Variants in GNAQ observed in about 807,000 individuals in gnomAD.
The protein encoded by GNAQ is G protein subunit alpha q.
Under a neutral mutation model 43.9 loss-of-function variants are expected in GNAQ, and 8 were observed. The observed-to-expected ratio is 0.18, with a 90% confidence interval of 0.11 to 0.33. The LOEUF (loss-of-function observed/expected upper bound fraction) is 0.33. Ranked by LOEUF, GNAQ falls within the 10% of genes least tolerant of loss-of-function variation. GNAQ has a pLI of 1.00. For missense variants in GNAQ, 158 were observed against 450.8 expected, an observed-to-expected ratio of 0.35 and a Z score of 5.88; for synonymous variants, 155 against 170.7, an observed-to-expected ratio of 0.91 and a Z score of 0.71.
chr9:77,775,763 G>A (rs531275305), intron 5 of GNAQ, among the ~76,000 whole-genome samples: 101 of 152,086 alleles, frequency 6.6e-4, no homozygotes, highest in Middle Eastern at 3.4e-3. Flanking sequence ...CATCAATTGT[G>A]TTTCCGTAAT....
chr9:77,813,606 A>G (rs1484628541), intron 3 of GNAQ, among the ~76,000 whole-genome samples: 1 of 152,220 alleles, frequency 6.6e-6, no homozygotes, highest in African/African-American at 2.4e-5. Context: ...ACATATCCAT[A>G]GTCCAATACA....
chr9:77,763,380 C>G (rs1189252400), intron 5 of GNAQ, among the ~76,000 whole-genome samples: 3 of 152,142 alleles, frequency 2.0e-5, no homozygotes, highest in Admixed American at 6.5e-5. Context: ...AATCCCAGCA[C>G]TTTGGGAGAT....
intron 2 of GNAQ, among the ~76,000 whole-genome samples, chr9:77,852,674 C>G (rs550940430): frequency 2.6e-5 from 4 of 152,246 alleles, no homozygotes; most frequent in African/African-American, 9.6e-5. Flanking sequence ...TCGCTCAGTG[C>G]TCTTTCTCCT....
chr9:77,961,528 CAT>C (rs1281335250), intron 1 of GNAQ, among the ~76,000 whole-genome samples: 2 of 152,156 alleles, frequency 1.3e-5, no homozygotes, highest in Non-Finnish European at 2.9e-5. Context: ...CATGGGAACA[CAT>C]AGTCTGAACA....
intron 2 of GNAQ, among the ~76,000 whole-genome samples, chr9:77,883,022 G>C (rs1828240736): frequency 6.6e-6 from 1 of 152,140 alleles, no homozygotes; most frequent in South Asian, 2.1e-4. Context: ...AAATCAAAAT[G>C]CAAACACTTC....
At chr9:77,760,766 G>A (rs879736718) in intron 5 of GNAQ, among the ~76,000 whole-genome samples, 948 of 131,674 alleles carry the variant, frequency 7.2e-3, no homozygotes, top group Middle Eastern at 0.011. Context: ...AGTGAGGAGC[G>A]CCTCTTCCCG....
At chr9:77,782,255 C>A (rs761448911) in intron 5 of GNAQ, among the ~76,000 whole-genome samples, 4 of 151,864 alleles carry the variant, frequency 2.6e-5, no homozygotes, top group African/African-American at 9.7e-5. Context: ...TCAAAACATA[C>A]AAAGAACTTT....
intron 1 of GNAQ, among the ~76,000 whole-genome samples, chr9:78,030,150 ATC>A (rs199877065): frequency 1.3e-3 from 192 of 152,226 alleles, no homozygotes; most frequent in African/African-American, 4.2e-3. Flanking sequence ...TTAAAATGCT[ATC>A]TGTTTTAAAC....
At chr9:78,008,614 CATTTCATTTT>C (rs1301374476) in intron 1 of GNAQ, among the ~76,000 whole-genome samples, 1,116 of 106,024 alleles carry the variant, frequency 0.011, 13 homozygotes, top group African/African-American at 0.037. Flanking sequence ...CATTTCATTT[CATTTCATTTT>C]ATTTTATTTT....
rs939287557 is a variant in GNAQ at position 77,718,897 on chromosome 9, A to T, written c.*2426T>A. On this transcript the variant is annotated 3_prime_UTR_variant, in exon 7 of 7. Transcript: ENST00000286548. ...GTAATACTAAACTGTGCATTTGCCA[A>T]ATAAGAATATGAATTGTATAAAAGC... 2 of 232,384 alleles carry T rather than the reference A, an allele frequency of 8.6e-6. No homozygotes were observed. Among genetic ancestry groups the T allele is most frequent in the African/African-American group, 4.4e-5 (2 of 45,306 alleles). The allele number at this position is 232,384 out of a possible 1,614,324, so 14.4% of individuals were successfully genotyped here.
chr9:77,909,744 G>A (rs1333657146), intron 2 of GNAQ, among the ~76,000 whole-genome samples: 1 of 150,660 alleles, frequency 6.6e-6, no homozygotes, highest in East Asian at 1.9e-4. Context: ...CAACTTAAAG[G>A]TATCTTCTTA....
intron 2 of GNAQ, 22 bp from the exon 3 acceptor site, chr9:77,815,792 G>A (rs1214706865): frequency 6.3e-7 from 1 of 1,585,438 alleles, no homozygotes; most frequent in Non-Finnish European, 8.6e-7. Context: ...AAAAAAGGCA[G>A]TTTTAATACC....
In GNAQ at chr9:78,014,653, T is replaced by C. The variant is rs572442920; in HGVS notation, c.136+16447A>G. On this transcript the variant is annotated intron_variant, in intron 1 of 6. Transcript: ENST00000286548. ...TGAGGGTAGCTAAAACAAAGAATAGTTGAAAATAAATGAGAGACATACATC... is the reference window on the plus strand; with the variant it reads ...TGAGGGTAGCTAAAACAAAGAATAGCTGAAAATAAATGAGAGACATACATC... Among the ~76,000 whole-genome samples the C allele has an allele frequency of 2.0e-4, 31 of 151,988 alleles. 2 individuals carry two copies. In the South Asian group the frequency reaches 4.4e-3, roughly 21 times the overall value.
chr9:78,003,719 G>A (rs1336810028), intron 1 of GNAQ, among the ~76,000 whole-genome samples: 2 of 151,922 alleles, frequency 1.3e-5, no homozygotes, highest in Non-Finnish European at 2.9e-5. Flanking sequence ...GGGAGGCTGA[G>A]GCACGAGAAT....
At chr9:77,923,764 AAAAG>A (rs901198250) in intron 1 of GNAQ, among the ~76,000 whole-genome samples, 30 of 152,142 alleles carry the variant, frequency 2.0e-4, no homozygotes, top group Non-Finnish European at 2.6e-4. Context: ...AAAGCTGAGA[AAAAG>A]AAAGAAAGAA....
At chr9:77,741,765 TA>T (rs1168565122) in intron 5 of GNAQ, among the ~76,000 whole-genome samples, 1 of 152,180 alleles carries the variant, frequency 6.6e-6, no homozygotes, top group Non-Finnish European at 1.5e-5. Context: ...TTAAGCAGCT[TA>T]AAAAAATTCT....
At chr9:77,966,402 G>A (rs747051279) in intron 1 of GNAQ, among the ~76,000 whole-genome samples, 2 of 152,112 alleles carry the variant, frequency 1.3e-5, no homozygotes, top group Non-Finnish European at 2.9e-5. Flanking sequence ...ATTTTACTAG[G>A]ATCGTATTAC....
intron 2 of GNAQ, among the ~76,000 whole-genome samples, chr9:77,862,732 T>C (rs1827875265): frequency 6.6e-6 from 1 of 152,274 alleles, no homozygotes. Context: ...TGCAAATTTC[T>C]GCAGCGGGCT....
At chr9:77,791,420 T>C (rs1389960257) in intron 5 of GNAQ, among the ~76,000 whole-genome samples, 1 of 152,172 alleles carries the variant, frequency 6.6e-6, no homozygotes, top group Non-Finnish European at 1.5e-5. Flanking sequence ...TACAGCAGAA[T>C]AGTGGATTCC....
Sources: allele counts gnomAD v4.1 joint callset (sites outside exome capture counted in the v4.1 genomes callset), GRCh38; gene constraint gnomAD v4.1.1; transcripts MANE v1.5; gene names NCBI Gene and HGNC (gene_info 2026-07-23, HGNC 2026-07-21).